The following KCNQ5 variants were observed in gnomAD, a reference collection of about 807,000 sequenced individuals.
KCNQ5 encodes the protein potassium voltage-gated channel subfamily KQT member 5.
In KCNQ5, 30 loss-of-function variants were observed where a neutral mutation model predicts 98.2. The observed-to-expected ratio is 0.31, with a 90% CI of 0.23 to 0.41. The LOEUF is 0.41. Among genes scored for constraint, KCNQ5 ranks in the 10% least tolerant of loss-of-function variants. The probability of loss-of-function intolerance (pLI) is 1.00; values close to 1 mark genes in which losing one functional copy is unlikely to be tolerated. For missense variants in KCNQ5, 835 were observed against 1,182.5 expected (o/e 0.71, Z 4.31); for synonymous variants, 458 against 449.4 (o/e 1.02, Z -0.24).
intron 11 of KCNQ5, among the ~76,000 whole-genome samples, chr6:73,170,665 G>C (rs992594776): frequency 6.6e-6 from 1 of 152,054 alleles, no homozygotes; most frequent in African/African-American, 2.4e-5. Context: ...CAGGTGCAGT[G>C]CCTCATGCCT....
At chr6:72,804,175 C>T (rs1328833973) in intron 1 of KCNQ5, among the ~76,000 whole-genome samples, 4 of 151,920 alleles carry the variant, frequency 2.6e-5, no homozygotes, top group African/African-American at 9.7e-5. Context: ...TAAAATAATC[C>T]AATTATACTC....
chr6:72,806,988 G>T, intron 1 of KCNQ5: 5 of 254,130 alleles, frequency 2.0e-5, no homozygotes, highest in Middle Eastern at 1.3e-3. Context: ...TTATGTATAT[G>T]TTGCATTTCT....
At chr6:72,899,695 G>A (rs1779402451) in intron 1 of KCNQ5, among the ~76,000 whole-genome samples, 1 of 151,892 alleles carries the variant, frequency 6.6e-6, no homozygotes, top group African/African-American at 2.4e-5. Flanking sequence ...GGTGGTGTTT[G>A]ATTACATGAA....
At chr6:73,059,063 G>T (rs566633104) in intron 3 of KCNQ5, among the ~76,000 whole-genome samples, 1 of 152,296 alleles carries the variant, frequency 6.6e-6, no homozygotes, top group African/African-American at 2.4e-5. Flanking sequence ...TCACTATTGG[G>T]TTTATTCTCA....
chr6:72,941,305 CTTCCTTCCTTCCTTCT>C (rs1368943718), intron 1 of KCNQ5, among the ~76,000 whole-genome samples: 18 of 88,256 alleles, frequency 2.0e-4, no homozygotes, highest in African/African-American at 4.5e-4. Context: ...GCTCATCTTC[CTTCCTTCCTTCCTTCT>C]TTCCTTCCTT....
intron 1 of KCNQ5, among the ~76,000 whole-genome samples, chr6:72,852,585 G>A (rs993982187): frequency 1.5e-5 from 2 of 137,642 alleles, no homozygotes; most frequent in Admixed American, 1.6e-4. Flanking sequence ...ATAGAGAGTA[G>A]ATTGGTAGTT....
chr6:72,897,619 C>T (rs1262020820), intron 1 of KCNQ5, among the ~76,000 whole-genome samples: 1 of 152,026 alleles, frequency 6.6e-6, no homozygotes, highest in African/African-American at 2.4e-5. Context: ...TAAGATAACA[C>T]ATATGAAAAT....
At chr6:73,055,276 G>T in intron 3 of KCNQ5, 1 of 1,367,958 alleles carries the variant, frequency 7.3e-7, no homozygotes. Context: ...AGAAGAGAGC[G>T]ATCCCGACCT....
intron 3 of KCNQ5, among the ~76,000 whole-genome samples, chr6:73,053,515 A>T (rs1772335414): frequency 6.6e-6 from 1 of 151,452 alleles, no homozygotes; most frequent in African/African-American, 2.4e-5. Context: ...CTTAGCAAAT[A>T]AAAAAAAATC....
At chr6:72,941,100 C>A (rs920160513) in intron 1 of KCNQ5, among the ~76,000 whole-genome samples, 2 of 152,152 alleles carry the variant, frequency 1.3e-5, no homozygotes, top group Admixed American at 6.5e-5. Flanking sequence ...TATAAAGTAC[C>A]TAGACTAAGA....
rs571585478 is a variant in KCNQ5, at chr6:72,714,186, C to T, written c.398+91599C>T. ...AGTGAGTCCATTTGTTGTTGAAGGC[C>T]TCTTCTTACTAAGTCTTAATCTCTA... On this transcript the variant is annotated intron_variant, in intron 1 of 13. Coordinates refer to ENST00000370398, the MANE Select transcript of KCNQ5 (RefSeq NM_019842.4). 3.3e-5 allele frequency among the ~76,000 whole-genome samples: 5 copies of T among 152,102 alleles called. No homozygotes were observed. The East Asian group carries it at 9.6e-4, about 29-fold the overall frequency.
intron 1 of KCNQ5, among the ~76,000 whole-genome samples, chr6:72,710,445 G>T (rs770646300): frequency 1.3e-5 from 2 of 152,096 alleles, no homozygotes; most frequent in Non-Finnish European, 1.5e-5. Flanking sequence ...GCCTACAAGA[G>T]ACTAATTTCA....
chr6:72,878,063 G>A (rs988799376), intron 1 of KCNQ5, among the ~76,000 whole-genome samples: 18 of 152,202 alleles, frequency 1.2e-4, no homozygotes, highest in Non-Finnish European at 2.5e-4. Flanking sequence ...TTGAGGTCGG[G>A]AGTTCCAGAC....
intron 1 of KCNQ5, among the ~76,000 whole-genome samples, chr6:72,939,814 T>A (rs1469742523): frequency 6.6e-6 from 1 of 152,186 alleles, no homozygotes; most frequent in African/African-American, 2.4e-5. Context: ...GGCTGCCCCA[T>A]GAGAACATGT....
intron 1 of KCNQ5, among the ~76,000 whole-genome samples, chr6:72,974,405 A>G (rs1410358155): frequency 6.8e-6 from 1 of 146,868 alleles, no homozygotes; most frequent in Non-Finnish European, 1.5e-5. Context: ...AAAAAGGCCT[A>G]GACTCTCTTA....
Position 73,115,845 on chromosome 6 carries a change from G to T in KCNQ5, c.1125+4442G>T, listed in dbSNP as rs118163514. The stretch of plus-strand genomic sequence containing the variant: ...TGGAGTCAAGAAAACAAGAGATTCC[G>T]CACAGGAAAGAGCAAAGGGGATTTC... On this transcript the variant is annotated intron_variant, in intron 7 of 13. Coordinates refer to ENST00000370398, the MANE Select transcript of KCNQ5 (RefSeq NM_019842.4). 8.9e-4 allele frequency among the ~76,000 whole-genome samples: 135 copies of T among 152,262 alleles called. 4 individuals are homozygous for T. The East Asian group carries it at 0.022, about 25-fold the overall frequency.
intron 1 of KCNQ5, among the ~76,000 whole-genome samples, chr6:72,656,917 C>T (rs1766226787): frequency 6.6e-6 from 1 of 152,100 alleles, no homozygotes; most frequent in African/African-American, 2.4e-5. Context: ...AACCCAAACC[C>T]TGTGAATCAA....
At chr6:72,760,277 A>G (rs1772196428) in intron 1 of KCNQ5, among the ~76,000 whole-genome samples, 1 of 152,156 alleles carries the variant, frequency 6.6e-6, no homozygotes. Context: ...TTTTGGTCTA[A>G]CAGACAGTGT....
intron 1 of KCNQ5, among the ~76,000 whole-genome samples, chr6:72,981,939 T>G (rs1431945305): frequency 6.6e-6 from 1 of 152,238 alleles, no homozygotes; most frequent in African/African-American, 2.4e-5. Flanking sequence ...GAGCAGGTTG[T>G]TCAGTTTCCA....
Sources: allele counts gnomAD v4.1 joint callset (sites outside exome capture counted in the v4.1 genomes callset), GRCh38; gene constraint gnomAD v4.1.1; transcripts MANE v1.5; gene names NCBI Gene and HGNC (gene_info 2026-07-23, HGNC 2026-07-21).